HOMER2: variants seen among roughly 807,000 people sequenced by gnomAD.
The protein encoded by HOMER2 is homer scaffold protein 2, also known as homer protein homolog 2.
A neutral mutation model predicts 47.0 loss-of-function variants in HOMER2; 27 were observed. The observed-to-expected ratio is 0.57, with a 90% CI of 0.42 to 0.79. The LOEUF (loss-of-function observed/expected upper bound fraction) is 0.79, where lower values mean the gene tolerates loss of function less well. Among genes scored for constraint, HOMER2 ranks in the 30% least tolerant of loss-of-function variants. The pLI, the probability that HOMER2 is intolerant of heterozygous loss-of-function variation, is 0.00. For missense variants in HOMER2, 443 were observed against 435.0 expected, an observed-to-expected ratio of 1.02 and a Z score of -0.16; for synonymous variants, 161 against 163.8, an observed-to-expected ratio of 0.98 and a Z score of 0.13.
chr15:82,906,061 T>C (rs1314430661), intron 1 of HOMER2, among the ~76,000 whole-genome samples: 1 of 152,332 alleles, frequency 6.6e-6, no homozygotes, highest in African/African-American at 2.4e-5. Flanking sequence ...TATTTTGTTA[T>C]TATAAATTAC....
chr15:82,896,267 G>T (rs1448939916), intron 1 of HOMER2, among the ~76,000 whole-genome samples: 4 of 152,194 alleles, frequency 2.6e-5, no homozygotes, highest in African/African-American at 7.2e-5. Flanking sequence ...GAGGGAGGAA[G>T]TGAGGAAAGC....
exon 2 of HOMER2, chr15:82,840,291 T>TAA (rs2051163598): frequency 6.6e-6 from 1 of 152,012 alleles, no homozygotes; most frequent in Non-Finnish European, 1.5e-5. Context: ...AATTAAGATA[T>TAA]AAATCTCAGA....
Position 82,852,197 on chromosome 15 carries a change from G to C in HOMER2, c.707C>G (p.Thr236Arg). 1 of 1,613,912 alleles carries C rather than the reference G, an allele frequency of 6.2e-7. No homozygotes were observed. Residue 236 changes from threonine to arginine, a missense_variant, in exon 7 of 9, where the codon ACG (threonine) becomes AGG (arginine). Thr to Arg is a moderately conservative substitution (Grantham distance 71). Coordinates refer to ENST00000450735, the MANE Select transcript of HOMER2 (RefSeq NM_004839.4). ...CTCCTCGATCCTCCTCTTCAGCTGC[G>C]TGTTCTTCTCCTTCTCTCTGTTGAT... ...SEINREKEKN[T>R]QLKRRIEELE...
intron 1 of HOMER2, among the ~76,000 whole-genome samples, chr15:82,960,392 G>T (rs1326319417): frequency 1.3e-5 from 2 of 152,142 alleles, no homozygotes; most frequent in Non-Finnish European, 2.9e-5. Context: ...TGGGAAGTGT[G>T]TGTTGAACAG....
Position 82,879,957 on chromosome 15 carries a change from A to G in HOMER2, c.163-4553T>C, listed in dbSNP as rs549165902. Among the ~76,000 whole-genome samples, 71 of 152,202 alleles carry G rather than the reference A, an allele frequency of 4.7e-4. 1 individual carries two copies. The highest frequency in any genetic ancestry group is 1.6e-3 in the African/African-American group (66 of 41,444). The stretch of plus-strand genomic sequence containing the variant: ...ACCAAGGCTAACCAAATTGATCAGC[A>G]TGGATGAATCACAAAAATTTAACAT... On this transcript the variant is annotated intron_variant, in intron 2 of 8. Transcript: ENST00000450735.
At chr15:82,866,731 G>A (rs915322161) in intron 3 of HOMER2, among the ~76,000 whole-genome samples, 4 of 152,150 alleles carry the variant, frequency 2.6e-5, no homozygotes, top group African/African-American at 9.7e-5. Flanking sequence ...AAAAATGAGA[G>A]TTTCCTCCCA....
intron 1 of HOMER2, among the ~76,000 whole-genome samples, chr15:82,917,556 G>A (rs1329474750): frequency 5.3e-5 from 8 of 152,216 alleles, no homozygotes; most frequent in African/African-American, 1.4e-4. Flanking sequence ...GGGAAGATCC[G>A]CCCCCGTGGG....
chr15:82,860,744 C>T (rs2051745333), intron 4 of HOMER2, among the ~76,000 whole-genome samples: 1 of 151,928 alleles, frequency 6.6e-6, no homozygotes, highest in Non-Finnish European at 1.5e-5. Flanking sequence ...CAAGACCTGC[C>T]TGGCCAATAT....
intron 4 of HOMER2, 34 bp downstream of exon 4, chr15:82,864,133 C>G: frequency 7.1e-7 from 1 of 1,406,412 alleles, no homozygotes; most frequent in Non-Finnish European, 1.0e-6. Context: ...ATCACCAACC[C>G]CACTGGGATT....
chr15:82,898,475 C>T (rs1803637016), intron 1 of HOMER2: 1 of 152,170 alleles, frequency 6.6e-6, no homozygotes, highest in Non-Finnish European at 1.5e-5. Context: ...TTCTTCAGTG[C>T]TTTAAATAGA....
chr15:82,940,472 G>A (rs1322054402), intron 1 of HOMER2, among the ~76,000 whole-genome samples: 1 of 152,244 alleles, frequency 6.6e-6, no homozygotes, highest in Non-Finnish European at 1.5e-5. Context: ...GGCTGGGCGT[G>A]GTGGGTCACG....
chr15:82,852,401 C>G (rs924038947), intron 6 of HOMER2, 149 bp from the exon 7 acceptor site: 1 of 611,880 alleles, frequency 1.6e-6, no homozygotes, highest in African/African-American at 1.9e-5. Context: ...ATGAACAAAC[C>G]CCATGCAGCT....
chr15:82,904,357 G>A (rs2053224964), intron 1 of HOMER2, among the ~76,000 whole-genome samples: 1 of 152,206 alleles, frequency 6.6e-6, no homozygotes, highest in Non-Finnish European at 1.5e-5. Context: ...AAGACTCAGT[G>A]TGGGGTAGGT....
chr15:82,960,667 T>C (rs1306103108), intron 1 of HOMER2, among the ~76,000 whole-genome samples: 1 of 152,236 alleles, frequency 6.6e-6, no homozygotes, highest in East Asian at 1.9e-4. Context: ...GTAGCAAATA[T>C]TTACTGAACA....
chr15:82,947,037 A>G (rs1413087100), intron 1 of HOMER2, among the ~76,000 whole-genome samples: 1 of 152,248 alleles, frequency 6.6e-6, no homozygotes, highest in Non-Finnish European at 1.5e-5. Flanking sequence ...TTTTCAAAAT[A>G]TAAGCTCCCC....
At chr15:82,924,172 C>T (rs2053801504) in intron 1 of HOMER2, among the ~76,000 whole-genome samples, 1 of 152,160 alleles carries the variant, frequency 6.6e-6, no homozygotes, top group Non-Finnish European at 1.5e-5. Flanking sequence ...AAGACCGGCA[C>T]ATTCTCCCGT....
At chr15:82,840,073 A>G (rs1035240443) in exon 2 of HOMER2, 1 of 152,216 alleles carries the variant, frequency 6.6e-6, no homozygotes, top group Non-Finnish European at 1.5e-5. Flanking sequence ...GAAATTATAA[A>G]TTATTTATAA....
intron 1 of HOMER2, chr15:82,985,483 G>A (rs1045627506): frequency 1.3e-5 from 2 of 152,156 alleles, no homozygotes; most frequent in African/African-American, 4.8e-5. Flanking sequence ...TTACTGTAGG[G>A]GTACAATCGA....
At chr15:82,969,393 A>G (rs776172334) in intron 1 of HOMER2, among the ~76,000 whole-genome samples, 3 of 152,210 alleles carry the variant, frequency 2.0e-5, no homozygotes, top group Non-Finnish European at 2.9e-5. Context: ...TCTTTACCCT[A>G]AAAGCTTGCT....
Sources: gnomAD v4.1 joint callset for allele counts (sites outside exome capture counted in the v4.1 genomes callset) on GRCh38, gnomAD v4.1.1 for gene constraint, MANE v1.5 for transcripts, NCBI Gene and HGNC (gene_info 2026-07-23, HGNC 2026-07-21) for gene names.